TRPC7: variants seen among roughly 807,000 people sequenced by gnomAD.
TRPC7 encodes the protein short transient receptor potential channel 7.
TRPC7 carries 42 observed loss-of-function variants against 90.1 expected under a neutral mutation model. That is an observed-to-expected ratio of 0.47 (90% confidence interval 0.36 to 0.60). The LOEUF (loss-of-function observed/expected upper bound fraction) is 0.60. Ranked by LOEUF, TRPC7 falls within the 20% of genes least tolerant of loss-of-function variation. The probability of loss-of-function intolerance (pLI) is 0.00; values close to 1 mark genes in which losing one functional copy is unlikely to be tolerated. For missense variants in TRPC7, 955 were observed against 1,112.3 expected (o/e 0.86, Z 2.01); for synonymous variants, 451 against 436.3 (o/e 1.03, Z -0.42).
intron 7 of TRPC7, among the ~76,000 whole-genome samples, chr5:136,244,569 G>A (rs116810196): frequency 0.011 from 1,651 of 152,270 alleles, 24 homozygotes; most frequent in Middle Eastern, 0.031. Flanking sequence ...AGCATTTAAT[G>A]AGCAAACAAC....
rs79075481 is a variant in TRPC7, at chr5:136,247,764, G to C, written c.1580-29C>G. 6.3e-7 allele frequency: 1 copy of C among 1,599,740 alleles called. No individual in the cohort carries two copies. Among genetic ancestry groups the C allele is most frequent in the Non-Finnish European group, 8.5e-7 (1 of 1,171,906 alleles). On this transcript the variant is annotated intron_variant, in intron 6 of 11. Coordinates refer to ENST00000513104, the MANE Select transcript of TRPC7 (RefSeq NM_020389.3). The surrounding 1 kb of genome is among the most constrained non-coding windows in gnomAD (Gnocchi z 4.2). Reference sequence around the variant, plus strand: ...AAAGAAAACAATCTGGGTTACTCACGAGGCCACAGGATCTATTCTAGAAGA... The same window carrying C: ...AAAGAAAACAATCTGGGTTACTCACCAGGCCACAGGATCTATTCTAGAAGA...
chr5:136,243,988 T>C (rs1756251590), intron 7 of TRPC7, among the ~76,000 whole-genome samples: 1 of 152,066 alleles, frequency 6.6e-6, no homozygotes, highest in Non-Finnish European at 1.5e-5. Flanking sequence ...TCAGTTTGCC[T>C]TTCCCCATCA....
intron 5 of TRPC7, among the ~76,000 whole-genome samples, chr5:136,259,967 G>C (rs960804941): frequency 6.6e-6 from 1 of 152,208 alleles, no homozygotes; most frequent in Non-Finnish European, 1.5e-5. Context: ...ATCCTGGAAT[G>C]ATGATCTAGA....
chr5:136,247,794 C>T lies in TRPC7; in HGVS notation c.1580-59G>A. On this transcript the variant is annotated intron_variant, in intron 6 of 11. Coordinates refer to ENST00000513104, the MANE Select transcript of TRPC7 (RefSeq NM_020389.3). This position sits in a 1 kb window ranked among gnomAD's most constrained non-coding sequence, Gnocchi z 4.2. Reference sequence around the variant, plus strand: ...CACAGGATCTATTCTAGAAGAGAAACCAGTTAGGCATCTTTAGAGGTCTCC... The same window carrying T: ...CACAGGATCTATTCTAGAAGAGAAATCAGTTAGGCATCTTTAGAGGTCTCC... The T allele has an allele frequency of 6.4e-7, 1 of 1,554,350 alleles. No individual in the cohort carries two copies. Among genetic ancestry groups the T allele is most frequent in the South Asian group, 1.2e-5 (1 of 80,934 alleles).
intron 4 of TRPC7, among the ~76,000 whole-genome samples, chr5:136,270,596 A>G (rs1311942247): frequency 6.6e-6 from 1 of 152,230 alleles, no homozygotes; most frequent in Non-Finnish European, 1.5e-5. Flanking sequence ...GATGCTGGGC[A>G]CTGGAGGTGA....
chr5:136,260,007 C>A (rs1014545004), intron 5 of TRPC7, among the ~76,000 whole-genome samples: 6 of 152,266 alleles, frequency 3.9e-5, no homozygotes, highest in Admixed American at 2.6e-4. Flanking sequence ...GAGAACTGGG[C>A]AAAGTATGTG....
chr5:136,330,053 C>T (rs1580962654), intron 2 of TRPC7, among the ~76,000 whole-genome samples: 1 of 152,144 alleles, frequency 6.6e-6, no homozygotes, highest in South Asian at 2.1e-4. Flanking sequence ...TAGGCCGTGA[C>T]TCAGAGAATC....
chr5:136,330,188 C>A (rs144909108), intron 2 of TRPC7, among the ~76,000 whole-genome samples: 113 of 152,292 alleles, frequency 7.4e-4, no homozygotes, highest in African/African-American at 2.6e-3. Flanking sequence ...GTGGCCAAAG[C>A]ATGATTGATT....
At chr5:136,327,758 C>G (rs762445902) in intron 2 of TRPC7, among the ~76,000 whole-genome samples, 1 of 152,196 alleles carries the variant, frequency 6.6e-6, no homozygotes, top group Non-Finnish European at 1.5e-5. Context: ...CAGCCCAATG[C>G]TGGGCGCACA....
chr5:136,349,361 A>C (rs1760114845), intron 2 of TRPC7, among the ~76,000 whole-genome samples: 1 of 152,130 alleles, frequency 6.6e-6, no homozygotes, highest in Non-Finnish European at 1.5e-5. Context: ...AATCAGCAAG[A>C]CCCTCTGAAT....
chr5:136,247,853 T>C lies in TRPC7; in HGVS notation c.1580-118A>G. On this transcript the variant is annotated intron_variant, in intron 6 of 11. Coordinates refer to ENST00000513104, the MANE Select transcript of TRPC7 (RefSeq NM_020389.3). The surrounding 1 kb of genome is among the most constrained non-coding windows in gnomAD (Gnocchi z 4.2). ...CATTTGCCATTCTTGTCCTTGTCCT[T>C]AAATTAATCCCAATATCCAGAAGTT... 7.7e-7 allele frequency: 1 copy of C among 1,302,502 alleles called. No homozygotes were observed. Among genetic ancestry groups the C allele is most frequent in the Non-Finnish European group, 1.0e-6 (1 of 955,846 alleles). 80.7% of individuals were successfully genotyped at this position (1,302,502 alleles called of 1,614,324 possible).
chr5:136,296,001 A>G (rs879409059), intron 3 of TRPC7, among the ~76,000 whole-genome samples: 10 of 152,190 alleles, frequency 6.6e-5, no homozygotes, highest in African/African-American at 2.2e-4. Context: ...GTCCTAACAT[A>G]TCATTAACTT....
chr5:136,311,165 C>G (rs1162709807), intron 3 of TRPC7, among the ~76,000 whole-genome samples: 1 of 152,050 alleles, frequency 6.6e-6, no homozygotes, highest in East Asian at 1.9e-4. Flanking sequence ...CTGATATGCA[C>G]AAAGTTTTCT....
intron 5 of TRPC7, among the ~76,000 whole-genome samples, chr5:136,253,231 C>T (rs966099479): frequency 2.0e-5 from 3 of 152,122 alleles, no homozygotes; most frequent in African/African-American, 7.2e-5. Flanking sequence ...TTATATAGCT[C>T]ATGGTTGTTG....
At chr5:136,217,705 A>T (rs1016974911) in intron 10 of TRPC7, among the ~76,000 whole-genome samples, 6 of 152,174 alleles carry the variant, frequency 3.9e-5, no homozygotes, top group African/African-American at 1.4e-4. Context: ...AAAGTAAGTT[A>T]TCTAAGTTAT....
chr5:136,278,067 G>A (rs563149724), intron 3 of TRPC7, among the ~76,000 whole-genome samples: 1 of 152,226 alleles, frequency 6.6e-6, no homozygotes, highest in Non-Finnish European at 1.5e-5. Context: ...GTGAGGGAGG[G>A]ACTGGAGAGG....
chr5:136,251,682 A>T lies in TRPC7; in HGVS notation c.1546T>A (p.Ser516Thr), dbSNP rs1017393219. 6.2e-6 allele frequency: 10 copies of T among 1,610,734 alleles called. No individual in the cohort carries two copies. In the Admixed American group the frequency reaches 1.7e-4, roughly 27 times the overall value. The change falls in exon 6 of 12, where the codon TCG (serine) becomes ACG (threonine). Residue 516 changes from serine (S) to threonine (T), a missense_variant. Physicochemically the swap from Ser to Thr is moderately conservative, Grantham distance 58. Around this residue, in one of 4 missense-constraint regions of TRPC7, gnomAD observed 484 missense variants for 509.6 expected, o/e 0.95. Coordinates refer to ENST00000513104, the MANE Select transcript of TRPC7 (RefSeq NM_020389.3). ...AAGTATGCCACTTCCGGCGGAAGCG[A>T]GACATTGTGCAGCGTGTCGTCCTGC... ...HVQDDTLHNV[S>T]LPPEVAYFTY...
intron 4 of TRPC7, among the ~76,000 whole-genome samples, chr5:136,267,261 C>T (rs913414239): frequency 9.9e-5 from 15 of 152,128 alleles, no homozygotes; most frequent in African/African-American, 3.1e-4. Flanking sequence ...TCTTTGGGAT[C>T]GAATTGAGGG....
intron 7 of TRPC7, among the ~76,000 whole-genome samples, chr5:136,244,850 T>G (rs1473524898): frequency 6.6e-6 from 1 of 152,234 alleles, no homozygotes; most frequent in East Asian, 1.9e-4. Flanking sequence ...GTGCTTGGCC[T>G]GTGCTGGTGG....
Sources: allele counts gnomAD v4.1 joint callset (sites outside exome capture counted in the v4.1 genomes callset), GRCh38; gene constraint gnomAD v4.1.1; regional missense constraint gnomAD v4.1.1; non-coding constraint Gnocchi (gnomAD v3.1); transcripts MANE v1.5; gene names NCBI Gene and HGNC (gene_info 2026-07-23, HGNC 2026-07-21).